TRDN: variants seen among roughly 807,000 people sequenced by gnomAD.
TRDN encodes triadin.
Under a neutral mutation model 149.7 loss-of-function variants are expected in TRDN, and 161 were observed. That is an observed-to-expected ratio of 1.08 (90% CI 0.95 to 1.23). The LOEUF (loss-of-function observed/expected upper bound fraction) is 1.23, where lower values mean the gene tolerates loss of function less well. Ranked by LOEUF, TRDN falls within the 50% of genes most tolerant of loss-of-function variation. TRDN has a pLI of 0.00. For synonymous variants in TRDN, 294 were observed against 250.5 expected, an observed-to-expected ratio of 1.17 and a Z score of -1.64; for missense variants, 896 against 823.5, an observed-to-expected ratio of 1.09 and a Z score of -1.08.
At chr6:123,635,323 AACACACAC>A (rs141018949) in intron 1 of TRDN, among the ~76,000 whole-genome samples, 4 of 147,172 alleles carry the variant, frequency 2.7e-5, no homozygotes, top group African/African-American at 5.0e-5. Context: ...CAGAAAAGAA[AACACACAC>A]ACACACACAC....
intron 23 of TRDN, among the ~76,000 whole-genome samples, chr6:123,325,102 A>G (rs565488702): frequency 6.6e-6 from 1 of 152,230 alleles, no homozygotes; most frequent in African/African-American, 2.4e-5. Flanking sequence ...CAAAGACAAA[A>G]ATTTTGACTA....
At chr6:123,628,725 T>C (rs1202345411) in intron 1 of TRDN, among the ~76,000 whole-genome samples, 2 of 152,166 alleles carry the variant, frequency 1.3e-5, no homozygotes, top group Non-Finnish European at 2.9e-5. Context: ...CTGTTATTTT[T>C]TGCTCTTTTC....
chr6:123,319,277 G>A (rs918190543), intron 23 of TRDN, among the ~76,000 whole-genome samples: 1 of 151,730 alleles, frequency 6.6e-6, no homozygotes, highest in Non-Finnish European at 1.5e-5. Context: ...GGCAGGAATT[G>A]ATATGTGAGA....
At chr6:123,316,250 G>A (rs1055782547) in intron 24 of TRDN, among the ~76,000 whole-genome samples, 1 of 151,850 alleles carries the variant, frequency 6.6e-6, no homozygotes, top group Non-Finnish European at 1.5e-5. Context: ...TCTGCTACCA[G>A]AAAGCAAGGA....
At chr6:123,248,476 G>A (rs1776261689) in intron 38 of TRDN, among the ~76,000 whole-genome samples, 2 of 152,112 alleles carry the variant, frequency 1.3e-5, no homozygotes, top group Non-Finnish European at 2.9e-5. Flanking sequence ...AGAATTGCTT[G>A]AACCCAGGAG....
At chr6:123,324,369 A>T (rs1037371875) in intron 23 of TRDN, among the ~76,000 whole-genome samples, 5 of 152,072 alleles carry the variant, frequency 3.3e-5, no homozygotes, top group Non-Finnish European at 5.9e-5. Context: ...AATTCCAGGT[A>T]CTCAGGAGGC....
intron 14 of TRDN, among the ~76,000 whole-genome samples, chr6:123,382,746 C>T (rs1370522783): frequency 6.6e-6 from 1 of 151,858 alleles, no homozygotes; most frequent in African/African-American, 2.4e-5. Flanking sequence ...ATTTCGTGGT[C>T]AAAAGACATC....
Position 123,563,085 on chromosome 6 carries a change from C to T in TRDN, c.232+7838G>A, listed in dbSNP as rs117344655. ...CTAATGAAATTAAACACAAACATCCCTACTTACAATTATGTGGTTATTTCA... is the reference window on the plus strand; with the variant it reads ...CTAATGAAATTAAACACAAACATCCTTACTTACAATTATGTGGTTATTTCA... On this transcript the variant is annotated intron_variant, in intron 2 of 40. Coordinates refer to ENST00000334268, the MANE Select transcript of TRDN (RefSeq NM_006073.4). Among the ~76,000 whole-genome samples the T allele has an allele frequency of 6.4e-3, 976 of 152,288 alleles. 6 individuals are homozygous for T. The highest frequency in any genetic ancestry group is 8.3e-3 in the Non-Finnish European group (563 of 68,016).
At chr6:123,457,439 A>G (rs926528750) in intron 10 of TRDN, 4 of 335,266 alleles carry the variant, frequency 1.2e-5, no homozygotes, top group Admixed American at 8.0e-5. Context: ...AATAACAGGA[A>G]ATCAAAACCA....
intron 1 of TRDN, among the ~76,000 whole-genome samples, chr6:123,587,070 G>A (rs909672070): frequency 4.0e-5 from 6 of 151,642 alleles, no homozygotes; most frequent in Admixed American, 2.6e-4. Flanking sequence ...AGGGGTTGGG[G>A]GTTTCTTGCC....
At chr6:123,250,038 T>C (rs1322532317) in intron 38 of TRDN, among the ~76,000 whole-genome samples, 1 of 152,106 alleles carries the variant, frequency 6.6e-6, no homozygotes, top group African/African-American at 2.4e-5. Flanking sequence ...ATGAGTAGCA[T>C]TTCCATACAC....
chr6:123,309,389 T>C (rs1437894999), intron 24 of TRDN, among the ~76,000 whole-genome samples: 1 of 151,920 alleles, frequency 6.6e-6, no homozygotes, highest in East Asian at 1.9e-4. Flanking sequence ...ATACTGAAAC[T>C]GGGCCAAGTA....
Position 123,519,479 on chromosome 6 carries a change from T to G in TRDN, c.485-3273A>C, listed in dbSNP as rs1021274969. Among the ~76,000 whole-genome samples the G allele has an allele frequency of 2.1e-4, 12 of 58,290 alleles. No individual in the cohort carries two copies. In the South Asian group the frequency reaches 7.4e-3, roughly 36 times the overall value. 38.2% of individuals were successfully genotyped at this position (58,290 alleles called of 152,430 possible). The stretch of plus-strand genomic sequence containing the variant: ...TAATCTGCCTGACCCTGTGGTTTTT[T>G]TTTTTTTTTTTTAAACAGGGAAAAC... On this transcript the variant is annotated intron_variant, in intron 5 of 40. Coordinates refer to ENST00000334268, the MANE Select transcript of TRDN (RefSeq NM_006073.4).
rs141758141 is a variant in TRDN, at chr6:123,450,908, A to C, written c.932-11905T>G. Among the ~76,000 whole-genome samples, 1,516 of 152,298 alleles carry C rather than the reference A, an allele frequency of 1.0e-2. 10 individuals carry two copies. Among genetic ancestry groups the C allele is most frequent in the Non-Finnish European group, 0.015 (992 of 67,996 alleles). On this transcript the variant is annotated intron_variant, in intron 10 of 40. Coordinates refer to ENST00000334268, the MANE Select transcript of TRDN (RefSeq NM_006073.4). ...GAAATTATATCAAGCACTCTCTCAG[A>C]CCACAGTGGAATAAAACTGGAAATC...
At chr6:123,301,770 C>CATACAT (rs1778427947) in intron 24 of TRDN, among the ~76,000 whole-genome samples, 1 of 57,834 alleles carries the variant, frequency 1.7e-5, no homozygotes, top group African/African-American at 3.8e-5. Flanking sequence ...TATATATATA[C>CATACAT]ATATATATAT....
intron 9 of TRDN, among the ~76,000 whole-genome samples, chr6:123,486,235 G>A (rs1437347481): frequency 6.6e-6 from 1 of 151,118 alleles, no homozygotes. Context: ...TGGGTTTTGG[G>A]TTCTCTTGGT....
At chr6:123,571,581 CT>C (rs562348299) in intron 1 of TRDN, among the ~76,000 whole-genome samples, 59 of 152,066 alleles carry the variant, frequency 3.9e-4, no homozygotes, top group African/African-American at 1.4e-3. Flanking sequence ...TCCAGTACCT[CT>C]TTTATTCCTG....
intron 24 of TRDN, among the ~76,000 whole-genome samples, chr6:123,307,695 G>A (rs1248866935): frequency 6.6e-6 from 1 of 151,880 alleles, no homozygotes; most frequent in Non-Finnish European, 1.5e-5. Context: ...ACTGACTCCT[G>A]ACATTCCCAC....
At chr6:123,424,207 C>A (rs1225411152) in intron 12 of TRDN, among the ~76,000 whole-genome samples, 3 of 152,110 alleles carry the variant, frequency 2.0e-5, no homozygotes, top group Non-Finnish European at 4.4e-5. Flanking sequence ...CCTCATGTTA[C>A]CAAGGCATCA....
Sources: allele counts gnomAD v4.1 joint callset (sites outside exome capture counted in the v4.1 genomes callset), GRCh38; gene constraint gnomAD v4.1.1; transcripts MANE v1.5; gene names NCBI Gene and HGNC (gene_info 2026-07-23, HGNC 2026-07-21).